Variants in AGO3 observed in about 807,000 individuals in gnomAD.
AGO3 encodes the protein protein argonaute-3.
A neutral mutation model predicts 105.5 loss-of-function variants in AGO3; 16 were observed. That is an observed-to-expected ratio of 0.15 (90% CI 0.10 to 0.23). The LOEUF is 0.23. AGO3 is among the 10% of genes least tolerant of loss of function. AGO3 has a pLI of 1.00. For synonymous variants in AGO3, 340 were observed against 367.3 expected (o/e 0.93, Z 0.85); for missense variants, 534 against 1,088.0 (o/e 0.49, Z 7.16).
At chr1:35,931,480 C>G in intron 1 of AGO3, 35 bp downstream of exon 1, 1 of 1,452,832 alleles carries the variant, frequency 6.9e-7, no homozygotes, top group South Asian at 1.4e-5. Context: ...TAGGGGATGT[C>G]ACCCAGCTAC....
intron 2 of AGO3, among the ~76,000 whole-genome samples, chr1:35,966,131 C>T (rs1646770574): frequency 6.6e-6 from 1 of 152,070 alleles, no homozygotes; most frequent in South Asian, 2.1e-4. Context: ...GGCCTTGAAT[C>T]TTTTAAATTA....
chr1:36,022,911 G>A, intron 11 of AGO3, among the ~76,000 whole-genome samples: 1 of 133,270 alleles, frequency 7.5e-6, no homozygotes, highest in African/African-American at 2.9e-5. Flanking sequence ...ACAACAGTGA[G>A]ACTCCGTCTC....
chr1:36,037,672 T>C (rs1161339218), intron 14 of AGO3, among the ~76,000 whole-genome samples: 1 of 152,256 alleles, frequency 6.6e-6, no homozygotes, highest in Non-Finnish European at 1.5e-5. Flanking sequence ...TTTTCATTAG[T>C]AAAGGAAATT....
chr1:36,054,813 T>A, intron 17 of AGO3, 133 bp from the exon 18 acceptor site: 1 of 759,128 alleles, frequency 1.3e-6, no homozygotes, highest in Non-Finnish European at 2.2e-6. Context: ...GCCCCAGAGG[T>A]GGAGGTTGCA....
chr1:35,995,315 A>G (rs1339719841), intron 5 of AGO3, among the ~76,000 whole-genome samples: 1 of 151,392 alleles, frequency 6.6e-6, no homozygotes, highest in Non-Finnish European at 1.5e-5. Flanking sequence ...GAAGAGCCAA[A>G]AAATCTTTTA....
At chr1:36,039,126 A>G (rs1642138360) in intron 14 of AGO3, among the ~76,000 whole-genome samples, 1 of 152,232 alleles carries the variant, frequency 6.6e-6, no homozygotes, top group South Asian at 2.1e-4. Flanking sequence ...TAGTTATAGG[A>G]AAATAGTTTT....
At chr1:35,995,209 A>AAAAATATATATATAT (rs1237315557) in intron 5 of AGO3, among the ~76,000 whole-genome samples, 88 of 114,708 alleles carry the variant, frequency 7.7e-4, no homozygotes, top group African/African-American at 3.2e-3. Context: ...TAAAAAAAAA[A>AAAAATATATATATAT]ATATATATAT....
Position 35,989,922 on chromosome 1 carries a change from A to T in AGO3, c.659-14419A>T, listed in dbSNP as rs1010257306. Among the ~76,000 whole-genome samples the T allele has an allele frequency of 2.0e-5, 3 of 152,138 alleles. No homozygotes were observed. In the East Asian group the frequency reaches 5.8e-4, roughly 29 times the overall value. ...ATAGTGAATCTGATGTTTGTTAGTT[A>T]TATCTCCCTTAAGATGTTATTTACC... On this transcript the variant is annotated intron_variant, in intron 5 of 18. Transcript: ENST00000373191.
intron 11 of AGO3, among the ~76,000 whole-genome samples, chr1:36,022,033 G>A (rs375894786): frequency 1.3e-4 from 20 of 148,204 alleles, no homozygotes; most frequent in African/African-American, 3.2e-4. Context: ...ATAGGCATCC[G>A]CATCCTTGGA....
At chr1:35,957,078 A>G (rs976780853) in intron 2 of AGO3, among the ~76,000 whole-genome samples, 2 of 151,704 alleles carry the variant, frequency 1.3e-5, no homozygotes, top group Admixed American at 6.6e-5. Context: ...AGCCTGGTGC[A>G]GTGGCTCACG....
chr1:35,942,289 T>G (rs1189739953), intron 1 of AGO3, among the ~76,000 whole-genome samples: 2 of 152,224 alleles, frequency 1.3e-5, no homozygotes, highest in Non-Finnish European at 2.9e-5. Flanking sequence ...TGGATTTAAT[T>G]TAACATTTTG....
intron 5 of AGO3, among the ~76,000 whole-genome samples, chr1:35,998,207 T>C (rs1639928991): frequency 1.3e-5 from 2 of 152,176 alleles, no homozygotes; most frequent in Admixed American, 6.5e-5. Flanking sequence ...TCTGTTTTAT[T>C]TATCTGAATT....
At chr1:35,988,254 C>T (rs1475570406) in intron 5 of AGO3, among the ~76,000 whole-genome samples, 7 of 152,060 alleles carry the variant, frequency 4.6e-5, no homozygotes, top group Non-Finnish European at 1.0e-4. Context: ...ATGATTACCA[C>T]AATCAAGGTA....
At chr1:35,972,346 G>A in intron 4 of AGO3, 114 bp downstream of exon 4, 2 of 1,216,858 alleles carry the variant, frequency 1.6e-6, no homozygotes, top group Non-Finnish European at 2.3e-6. Context: ...CAACTGAAAT[G>A]TTGAACAAGA....
At chr1:35,934,155 G>A (rs1271480406) in intron 1 of AGO3, among the ~76,000 whole-genome samples, 1 of 152,160 alleles carries the variant, frequency 6.6e-6, no homozygotes, top group Non-Finnish European at 1.5e-5. Flanking sequence ...TCTAAATAAA[G>A]TGGGAATAGG....
chr1:35,972,289 C>A, intron 4 of AGO3, 57 bp downstream of exon 4: 1 of 1,553,406 alleles, frequency 6.4e-7, no homozygotes, highest in Non-Finnish European at 8.8e-7. Context: ...ATGAATTGTG[C>A]AGGCTTCCCT....
intron 6 of AGO3, among the ~76,000 whole-genome samples, chr1:36,005,559 T>C (rs1321880761): frequency 6.6e-6 from 1 of 152,204 alleles, no homozygotes; most frequent in Non-Finnish European, 1.5e-5. Context: ...CAGCTAGCAT[T>C]GTCAGGAGGT....
chr1:36,005,767 T>C (rs1392385539), intron 6 of AGO3: 5 of 985,282 alleles, frequency 5.1e-6, no homozygotes, highest in East Asian at 1.1e-4. Context: ...CCGAAGAGCA[T>C]GGACTCGATC....
At chr1:35,962,542 CAAAA>C (rs1004307116) in intron 2 of AGO3, among the ~76,000 whole-genome samples, 2 of 92,000 alleles carry the variant, frequency 2.2e-5, no homozygotes, top group Admixed American at 1.1e-4. Context: ...GACTCCCTCT[CAAAA>C]AAAAAAAAAA....
Sources: allele counts gnomAD v4.1 joint callset (sites outside exome capture counted in the v4.1 genomes callset), GRCh38; gene constraint gnomAD v4.1.1; transcripts MANE v1.5; gene names NCBI Gene and HGNC (gene_info 2026-07-23, HGNC 2026-07-21).